Variants in ABHD12 observed in about 807,000 individuals in gnomAD.
ABHD12 encodes the protein abhydrolase domain containing 12, lysophospholipase.
Under a neutral mutation model 58.3 loss-of-function variants are expected in ABHD12, and 43 were observed. The ratio of observed to expected loss-of-function variants is 0.74; its 90% CI spans 0.58 to 0.95. The LOEUF is 0.95. Among genes scored for constraint, ABHD12 ranks in the 40% least tolerant of loss-of-function variants. The pLI, the probability that ABHD12 is intolerant of heterozygous loss-of-function variation, is 0.00. For synonymous variants in ABHD12, 219 were observed against 211.2 expected, an observed-to-expected ratio of 1.04 and a Z score of -0.32; for missense variants, 539 against 537.2, an observed-to-expected ratio of 1.00 and a Z score of -0.03.
chr20:25,296,155 C>T (rs1037603931), downstream of ABHD12, among the ~76,000 whole-genome samples: 2 of 152,160 alleles, frequency 1.3e-5, no homozygotes, highest in African/African-American at 4.8e-5. Context: ...ACCTTCTCTC[C>T]AGCTCCTTGC....
intron 6 of ABHD12, 103 bp from the exon 7 acceptor site, chr20:25,309,678 G>A: frequency 6.5e-7 from 1 of 1,544,516 alleles, no homozygotes; most frequent in Non-Finnish European, 8.8e-7. Flanking sequence ...AGACAGGGAG[G>A]GGCCCGCTTG....
intron 6 of ABHD12, 50 bp from the exon 7 acceptor site, chr20:25,309,625 C>A: frequency 6.2e-7 from 1 of 1,610,960 alleles, no homozygotes. Flanking sequence ...GCTCACAAAA[C>A]CTGGACAAAC....
chr20:25,390,634 C>G lies in ABHD12; in HGVS notation c.70G>C (p.Gly24Arg). ...GCGTCCAGCGCCGCGGCGGCCGAGC[C>G]GGAGGAGGACGAGCCCGCGGCGGCG... ...RCAAAGSSSSGSAAAALDADC... is the reference protein window; with the variant it reads ...RCAAAGSSSSRSAAAALDADC... Residue 24 changes from glycine to arginine, a missense_variant, in exon 1 of 13, where the codon GGC becomes CGC. Gly to Arg is a moderately radical substitution (Grantham distance 125). Transcript: ENST00000339157. The G allele has an allele frequency of 6.9e-7, 1 of 1,453,222 alleles. No individual in the cohort carries two copies. Among genetic ancestry groups the G allele is most frequent in the Non-Finnish European group, 9.0e-7 (1 of 1,107,662 alleles). The allele number at this position is 1,453,222 out of a possible 1,614,324, so 90.0% of individuals were successfully genotyped here.
chr20:25,389,283 A>G (rs1481766142), intron 1 of ABHD12, among the ~76,000 whole-genome samples: 1 of 152,224 alleles, frequency 6.6e-6, no homozygotes, highest in African/African-American at 2.4e-5. Flanking sequence ...TTTTACACAT[A>G]AAGACACAAA....
chr20:25,346,646 GTTTA>G (rs1330557832), intron 1 of ABHD12, among the ~76,000 whole-genome samples: 2 of 151,954 alleles, frequency 1.3e-5, no homozygotes, highest in African/African-American at 4.8e-5. Flanking sequence ...AAAAAATAAA[GTTTA>G]TTTATTTATT....
At chr20:25,388,787 C>CT (rs780031801) in intron 1 of ABHD12, among the ~76,000 whole-genome samples, 8,015 of 121,846 alleles carry the variant, frequency 0.066, 574 homozygotes, top group African/African-American at 0.15. Flanking sequence ...TTGATTTTTT[C>CT]TTTTTTTTTT....
chr20:25,390,742 G>GGCCTCCGCCGCCTGCGCC lies in ABHD12; in HGVS notation c.-40_-39insGGCGCAGGCGGCGGAGGC. On this transcript the variant is annotated 5_prime_UTR_variant, in exon 1 of 13. Transcript: ENST00000339157. ...GGGCCAGCCGCCGACGGCGCCCGCT[G>GGCCTCCGCCGCCTGCGCC]GCCTGCGCCGCAGTGCCGCCGCTCA... 8.0e-7 allele frequency: 1 copy of GGCCTCCGCCGCCTGCGCC among 1,254,794 alleles called. No homozygotes were observed. 77.7% of individuals were successfully genotyped at this position (1,254,794 alleles called of 1,614,324 possible).
chr20:25,367,216 A>C (rs2089834342), intron 1 of ABHD12, among the ~76,000 whole-genome samples: 1 of 152,216 alleles, frequency 6.6e-6, no homozygotes, highest in African/African-American at 2.4e-5. Flanking sequence ...AATAGGGGAT[A>C]GTGTGTCCAT....
chr20:25,303,721 G>T, intron 10 of ABHD12, 93 bp from the exon 11 acceptor site: 1 of 1,555,558 alleles, frequency 6.4e-7, no homozygotes, highest in Non-Finnish European at 8.7e-7. Flanking sequence ...TTCAGGGTGT[G>T]TTTTGGGAAA....
At chr20:25,296,287 A>C (rs2088542827), downstream of ABHD12, 10 of 1,530,716 alleles carry the variant, frequency 6.5e-6, no homozygotes, top group Middle Eastern at 1.7e-4. Context: ...ATTTGGAAAC[A>C]GTCCTAAAGT....
At chr20:25,386,214 A>G (rs928748195) in intron 1 of ABHD12, among the ~76,000 whole-genome samples, 1 of 151,844 alleles carries the variant, frequency 6.6e-6, no homozygotes, top group African/African-American at 2.4e-5. Flanking sequence ...GTTGCATAAG[A>G]GAAAATTACA....
chr20:25,312,889 GGAGCCCCTCC>G lies in ABHD12; in HGVS notation c.619+2026_619+2035del, dbSNP rs879881132. ...GGCAGCCGCCCCGTCTGAGAAGTGC[GGAGCCCCTCC>G]GCCCGGCAGCCGCCCCATCTGGGAA... On this transcript the variant is annotated intron_variant, in intron 6 of 12. Coordinates refer to ENST00000339157, the MANE Select transcript of ABHD12 (RefSeq NM_001042472.3). Among the ~76,000 whole-genome samples the G allele has an allele frequency of 6.3e-4, 96 of 151,404 alleles. 1 individual carries two copies. Among genetic ancestry groups the G allele is most frequent in the Non-Finnish European group, 1.2e-3 (84 of 67,818 alleles).
At chr20:25,387,626 C>T in intron 1 of ABHD12, among the ~76,000 whole-genome samples, 1 of 135,834 alleles carries the variant, frequency 7.4e-6, no homozygotes. Context: ...GGAGTGGTGG[C>T]ATACACCCAG....
At chr20:25,296,311 GTTTTTAGCAGCCC>G (rs1167695693), downstream of ABHD12, 1 of 1,596,806 alleles carries the variant, frequency 6.3e-7, no homozygotes, top group Non-Finnish European at 8.6e-7. Context: ...GGAATCCCAT[GTTTTTAGCAGCCC>G]CAAGCCCTGT....
At chr20:25,390,256 C>G (rs1213730850) in intron 1 of ABHD12, 1 of 365,068 alleles carries the variant, frequency 2.7e-6, no homozygotes, top group Non-Finnish European at 4.9e-6. Context: ...GCCAGGAGTG[C>G]CTGGCGAGAG....
chr20:25,331,611 C>G (rs1420572754), intron 2 of ABHD12, among the ~76,000 whole-genome samples: 1 of 152,084 alleles, frequency 6.6e-6, no homozygotes, highest in Non-Finnish European at 1.5e-5. Context: ...GACCTCTCGG[C>G]AGAAACTCTA....
intron 1 of ABHD12, among the ~76,000 whole-genome samples, chr20:25,343,569 C>G (rs2089482147): frequency 1.3e-5 from 2 of 152,160 alleles, no homozygotes; most frequent in African/African-American, 4.8e-5. Context: ...CTTTGGGAGG[C>G]CAAGACGGGT....
chr20:25,318,178 G>A (rs1310505940), intron 4 of ABHD12, among the ~76,000 whole-genome samples: 2 of 152,188 alleles, frequency 1.3e-5, no homozygotes, highest in Non-Finnish European at 2.9e-5. Context: ...AGCTGGCCAT[G>A]GTGGTGGGTG....
rs1369330149 is a variant in ABHD12 at position 25,302,211 on chromosome 20, T to G, written c.1157+8A>C. On this transcript the variant is annotated splice_region_variant and intron_variant, in intron 12 of 12. Coordinates refer to ENST00000339157, the MANE Select transcript of ABHD12 (RefSeq NM_001042472.3). ...ACGAAGCCCCTGGGTGGGAAGAGAATGTCTCACCTCAGTATCCGTGGCAGC... is the reference window on the plus strand; with the variant it reads ...ACGAAGCCCCTGGGTGGGAAGAGAAGGTCTCACCTCAGTATCCGTGGCAGC... 1.2e-6 allele frequency: 2 copies of G among 1,612,910 alleles called. No homozygotes were observed. Among genetic ancestry groups the G allele is most frequent in the Non-Finnish European group, 1.7e-6 (2 of 1,179,880 alleles).
Sources: allele counts gnomAD v4.1 joint callset (sites outside exome capture counted in the v4.1 genomes callset), GRCh38; gene constraint gnomAD v4.1.1; transcripts MANE v1.5; gene names NCBI Gene and HGNC (gene_info 2026-07-23, HGNC 2026-07-21).